Variants in LY9 observed in about 807,000 individuals in gnomAD.
The protein encoded by LY9 is T-lymphocyte surface antigen Ly-9.
A neutral mutation model predicts 64.6 loss-of-function variants in LY9; 59 were observed. The observed-to-expected ratio is 0.91, with a 90% CI of 0.74 to 1.13. The LOEUF (loss-of-function observed/expected upper bound fraction) is 1.13. LY9 is among the 50% of genes most tolerant of loss of function. The pLI is 0.00. For synonymous variants in LY9, 281 were observed against 308.5 expected (o/e 0.91, Z 0.93); for missense variants, 789 against 797.2 (o/e 0.99, Z 0.12).
At chr1:160,823,825 T>C in intron 8 of LY9, 29 bp downstream of exon 8, 1 of 1,527,488 alleles carries the variant, frequency 6.5e-7, no homozygotes, top group Non-Finnish European at 9.0e-7. Context: ...TACACCTTCC[T>C]CCTCCTCCCA....
chr1:160,804,301 G>A (rs559573298), intron 2 of LY9, among the ~76,000 whole-genome samples: 1 of 152,030 alleles, frequency 6.6e-6, no homozygotes, highest in South Asian at 2.1e-4. Flanking sequence ...TTTCAGGAAG[G>A]GATTTGGACT....
chr1:160,824,414 A>G (rs1220100377), intron 9 of LY9, 165 bp downstream of exon 9: 4 of 985,260 alleles, frequency 4.1e-6, no homozygotes. Context: ...GCATAAACAA[A>G]TATTCCTGAC....
At chr1:160,815,920 T>C (rs749201103) in intron 4 of LY9, among the ~76,000 whole-genome samples, 1 of 152,220 alleles carries the variant, frequency 6.6e-6, no homozygotes, top group African/African-American at 2.4e-5. Flanking sequence ...TACCTGTTCC[T>C]TCACTTGTGC....
chr1:160,813,632 G>C lies in LY9; in HGVS notation c.455-4G>C, dbSNP rs942725145. ...AGCATCTTCCCATGCTGTTGTCCCTGCAGAGCAGCTGCAGGAGCCCCAAGT... is the reference window on the plus strand; with the variant it reads ...AGCATCTTCCCATGCTGTTGTCCCTCCAGAGCAGCTGCAGGAGCCCCAAGT... On this transcript the variant is annotated splice_polypyrimidine_tract_variant and splice_region_variant and intron_variant, in intron 2 of 9. Transcript: ENST00000263285. 3 of 1,612,274 alleles carry C rather than the reference G, an allele frequency of 1.9e-6. No individual in the cohort carries two copies. The highest frequency in any genetic ancestry group is 1.6e-4 in the Middle Eastern group (1 of 6,078).
At chr1:160,807,487 A>G (rs897376715) in intron 2 of LY9, among the ~76,000 whole-genome samples, 11 of 152,148 alleles carry the variant, frequency 7.2e-5, no homozygotes, top group African/African-American at 2.7e-4. Context: ...AAGGCAGTGT[A>G]TGCTGTCACT....
chr1:160,814,512 C>T lies in LY9; in HGVS notation c.823C>T (p.Arg275Trp), dbSNP rs142997286. 3.5e-5 allele frequency: 56 copies of T among 1,614,020 alleles called. No individual in the cohort carries two copies. In the Admixed American group the frequency reaches 5.3e-4, roughly 15 times the overall value. Residue 275 changes from arginine (R) to tryptophan (W), a missense_variant, in exon 4 of 10, where the codon CGG becomes TGG. Coordinates refer to ENST00000263285, the MANE Select transcript of LY9 (RefSeq NM_002348.4). ...VTLPLALPAC[R>W]DTEKVVWLFN... ...CCTGCCACTTGCACTCCCAGCCTGC[C>T]GGGACACAGAGAAGGTTGTCTGGTT...
At chr1:160,810,554 T>C (rs908086072) in intron 2 of LY9, 7 of 152,190 alleles carry the variant, frequency 4.6e-5, no homozygotes, top group Non-Finnish European at 1.0e-4. Flanking sequence ...ATGCCCTGTC[T>C]CCAAATACAG....
chr1:160,808,014 C>T (rs1667144888), intron 2 of LY9, among the ~76,000 whole-genome samples: 1 of 152,118 alleles, frequency 6.6e-6, no homozygotes, highest in African/African-American at 2.4e-5. Context: ...TGAGGCCCTG[C>T]CACTGGAGAA....
At chr1:160,805,543 C>G (rs2101761024) in intron 2 of LY9, among the ~76,000 whole-genome samples, 1 of 152,192 alleles carries the variant, frequency 6.6e-6, no homozygotes, top group South Asian at 2.1e-4. Context: ...AATGCTTCAT[C>G]TACTAATGAA....
In LY9 at chr1:160,813,915, A is replaced by G; in HGVS notation, c.730+4A>G. On this transcript the variant is annotated splice_donor_region_variant and intron_variant, in intron 3 of 9. Coordinates refer to ENST00000263285, the MANE Select transcript of LY9 (RefSeq NM_002348.4). ...CATGTTGGGCAGTTCTGTACAGGTA[A>G]CTGGCTCCAACTTGGCCCTTGAGGG... 1 of 1,609,104 alleles carries G rather than the reference A, an allele frequency of 6.2e-7. No individual in the cohort carries two copies.
At chr1:160,801,769 G>A in intron 2 of LY9, 2 of 1,574,404 alleles carry the variant, frequency 1.3e-6, no homozygotes, top group Non-Finnish European at 1.7e-6. Flanking sequence ...TCTTCTGCAT[G>A]TGACTATTCA....
chr1:160,800,443 T>C (rs1163881932), intron 2 of LY9, among the ~76,000 whole-genome samples: 1 of 152,208 alleles, frequency 6.6e-6, no homozygotes, highest in Non-Finnish European at 1.5e-5. Context: ...AGTGAGAACA[T>C]GCGATATGTG....
chr1:160,803,300 T>A (rs28880092), intron 2 of LY9, among the ~76,000 whole-genome samples: 5,108 of 151,948 alleles, frequency 0.034, 260 homozygotes, highest in African/African-American at 0.11. Flanking sequence ...ATTTTTTTTT[T>A]TAAAAAGTAT....
At chr1:160,796,777 C>T (rs986047435) in intron 1 of LY9, among the ~76,000 whole-genome samples, 6 of 152,132 alleles carry the variant, frequency 3.9e-5, no homozygotes, top group African/African-American at 9.7e-5. Flanking sequence ...ATTCTAGCCC[C>T]GGTCTCAAAT....
rs1204984623 is a variant in LY9 at position 160,819,310 on chromosome 1, T to G, written c.1445-11T>G. The G allele has an allele frequency of 6.2e-7, 1 of 1,611,968 alleles. No homozygotes were observed. The highest frequency in any genetic ancestry group is 8.5e-7 in the Non-Finnish European group (1 of 1,178,270). ...CCCTCTTGATAAACCTTCTCTAACT[T>G]TGTTTCTCAGGTTCAGTCCCAGCCT... On this transcript the variant is annotated splice_polypyrimidine_tract_variant and intron_variant, in intron 6 of 9. Coordinates refer to ENST00000263285, the MANE Select transcript of LY9 (RefSeq NM_002348.4).
intron 2 of LY9, among the ~76,000 whole-genome samples, chr1:160,806,471 G>C (rs1667004079): frequency 6.6e-6 from 1 of 152,244 alleles, no homozygotes; most frequent in African/African-American, 2.4e-5. Flanking sequence ...GCATTTGCTT[G>C]TCTGGGAAAC....
At chr1:160,824,447 C>T (rs1328412747) in intron 9 of LY9, 198 bp downstream of exon 9, 4 of 985,232 alleles carry the variant, frequency 4.1e-6, no homozygotes, top group Non-Finnish European at 4.8e-6. Context: ...AAAGGCTGAA[C>T]ATTTCTAATT....
At chr1:160,809,489 G>A (rs1667298355) in intron 2 of LY9, among the ~76,000 whole-genome samples, 1 of 151,846 alleles carries the variant, frequency 6.6e-6, no homozygotes, top group African/African-American at 2.4e-5. Flanking sequence ...ACAGGCATGT[G>A]CCACCATGCC....
At chr1:160,806,539 T>C (rs1558089281) in intron 2 of LY9, among the ~76,000 whole-genome samples, 6 of 152,254 alleles carry the variant, frequency 3.9e-5, no homozygotes, top group Admixed American at 3.9e-4. Flanking sequence ...TTTGGTTGAC[T>C]CTTTGAATAT....
Sources: gnomAD v4.1 joint callset for allele counts (sites outside exome capture counted in the v4.1 genomes callset) on GRCh38, gnomAD v4.1.1 for gene constraint, MANE v1.5 for transcripts, NCBI Gene and HGNC (gene_info 2026-07-23, HGNC 2026-07-21) for gene names.